DPH6: variants seen among roughly 807,000 people sequenced by gnomAD.
DPH6 encodes diphthine--ammonia ligase.
A neutral mutation model predicts 38.2 loss-of-function variants in DPH6; 33 were observed. The ratio of observed to expected loss-of-function variants is 0.86; its 90% CI spans 0.65 to 1.15. The LOEUF is 1.15. DPH6 is among the 50% of genes most tolerant of loss of function. DPH6 has a pLI of 0.00. For synonymous variants in DPH6, 108 were observed against 103.0 expected, an observed-to-expected ratio of 1.05 and a Z score of -0.30; for missense variants, 325 against 320.0, an observed-to-expected ratio of 1.02 and a Z score of -0.12.
chr15:35,361,921 A>T (rs890774434), intron 3 of DPH6, among the ~76,000 whole-genome samples: 3 of 145,826 alleles, frequency 2.1e-5, no homozygotes, highest in Non-Finnish European at 4.4e-5. Context: ...CAAGTAATTC[A>T]TATTAATAGA....
At chr15:35,374,163 C>A (rs1395631928) in intron 7 of DPH6, among the ~76,000 whole-genome samples, 1 of 151,958 alleles carries the variant, frequency 6.6e-6, no homozygotes, top group African/African-American at 2.4e-5. Flanking sequence ...TGCATGCTGG[C>A]ACCATATGGA....
chr15:35,237,755 T>A lies in DPH6; in HGVS notation n.201-17173A>T, dbSNP rs142510218. On this transcript the variant is annotated intron_variant and non_coding_transcript_variant, in intron 3 of 3. Coordinates refer to the DPH6 transcript ENST00000560386. ...GTTCAAGCTCCTCCTGCAACTCACATATCTTGACGGCTATGACCGGGACGA... is the reference window on the plus strand; with the variant it reads ...GTTCAAGCTCCTCCTGCAACTCACAAATCTTGACGGCTATGACCGGGACGA... 1,373 of 1,611,876 alleles carry A rather than the reference T, an allele frequency of 8.5e-4. 10 individuals carry two copies. The African/African-American group carries it at 0.016, about 18-fold the overall frequency.
the DPH6 span, among the ~76,000 whole-genome samples, chr15:35,198,213 A>G: frequency 1.3e-5 from 2 of 151,908 alleles, no homozygotes; most frequent in Non-Finnish European, 2.9e-5. Context: ...AAGCTATCAA[A>G]TAAAGAATAC....
intron 4 of DPH6, among the ~76,000 whole-genome samples, chr15:35,451,435 T>C (rs931980984): frequency 2.0e-5 from 3 of 152,198 alleles, no homozygotes; most frequent in Non-Finnish European, 4.4e-5. Flanking sequence ...ATCTAAGTCC[T>C]TGTGCTTAGT....
At chr15:35,195,667 A>G in the DPH6 span, among the ~76,000 whole-genome samples, 1 of 152,126 alleles carries the variant, frequency 6.6e-6, no homozygotes, top group African/African-American at 2.4e-5. Context: ...GTATTTAAAA[A>G]CTATCCTCCA....
the DPH6 span, among the ~76,000 whole-genome samples, chr15:35,148,317 T>C: frequency 6.6e-6 from 1 of 152,232 alleles, no homozygotes; most frequent in South Asian, 2.1e-4. Flanking sequence ...TATAGTTTAT[T>C]CTATAAATTC....
At chr15:35,423,070 T>A (rs1472370602) in intron 5 of DPH6, among the ~76,000 whole-genome samples, 1 of 151,902 alleles carries the variant, frequency 6.6e-6, no homozygotes, top group Admixed American at 6.6e-5. Flanking sequence ...CCTTTGGGTA[T>A]ATACTCAGAA....
At chr15:35,487,911 C>A (rs1202112790) in intron 3 of DPH6, among the ~76,000 whole-genome samples, 1 of 152,208 alleles carries the variant, frequency 6.6e-6, no homozygotes, top group Non-Finnish European at 1.5e-5. Context: ...ATTTTAGAAA[C>A]AGCCAGGTCA....
the DPH6 span, among the ~76,000 whole-genome samples, chr15:35,162,565 C>T: frequency 6.6e-6 from 1 of 151,900 alleles, no homozygotes; most frequent in African/African-American, 2.4e-5. Flanking sequence ...AATGCCACTT[C>T]CTCACAAAGG....
downstream of DPH6, among the ~76,000 whole-genome samples, chr15:35,214,697 T>G (rs902450350): frequency 6.6e-6 from 1 of 152,158 alleles, no homozygotes; most frequent in Non-Finnish European, 1.5e-5. Flanking sequence ...AACCTCCGCC[T>G]CACGGGTTCA....
chr15:35,286,341 C>T (rs1209472393), intron 3 of DPH6, among the ~76,000 whole-genome samples: 1 of 152,180 alleles, frequency 6.6e-6, no homozygotes, highest in African/African-American at 2.4e-5. Flanking sequence ...GACTCATTCG[C>T]AGAGTGGCAA....
chr15:35,426,696 T>C (rs759851361), intron 5 of DPH6, among the ~76,000 whole-genome samples: 1 of 151,618 alleles, frequency 6.6e-6, no homozygotes, highest in Non-Finnish European at 1.5e-5. Context: ...CTTCAAAAAG[T>C]ATATGTTAAA....
intron 6 of DPH6, among the ~76,000 whole-genome samples, chr15:35,393,865 G>A (rs1022627961): frequency 2.0e-5 from 3 of 152,200 alleles, no homozygotes; most frequent in Non-Finnish European, 2.9e-5. Context: ...AAAATTCTCA[G>A]CTTTCTGCAT....
downstream of DPH6, among the ~76,000 whole-genome samples, chr15:35,369,960 C>A (rs572958213): frequency 6.6e-6 from 1 of 151,874 alleles, no homozygotes; most frequent in Non-Finnish European, 1.5e-5. Context: ...CACTATCTGA[C>A]TTGAATATTT....
the DPH6 span, among the ~76,000 whole-genome samples, chr15:35,193,774 A>C: frequency 6.6e-6 from 1 of 152,184 alleles, no homozygotes; most frequent in African/African-American, 2.4e-5. Flanking sequence ...AAGAAAGGTT[A>C]AATAATTAGT....
chr15:35,502,599 TTAA>T (rs1367071314), intron 3 of DPH6, among the ~76,000 whole-genome samples: 2 of 151,872 alleles, frequency 1.3e-5, no homozygotes, highest in Admixed American at 6.6e-5. Flanking sequence ...AAGATTATTC[TTAA>T]TAATTAAAAC....
intron 6 of DPH6, chr15:35,401,738 C>T (rs1345955955): frequency 4.2e-6 from 3 of 712,886 alleles, no homozygotes; most frequent in African/African-American, 1.7e-5. Flanking sequence ...CCAGTAGCAG[C>T]GGTAGCTACG....
intron 3 of DPH6, among the ~76,000 whole-genome samples, chr15:35,342,702 TAAG>T (rs1399434663): frequency 2.0e-5 from 3 of 152,288 alleles, no homozygotes; most frequent in South Asian, 2.1e-4. Flanking sequence ...GTTTTCATAA[TAAG>T]AAGATTAGAA....
the DPH6 span, among the ~76,000 whole-genome samples, chr15:35,184,090 C>G: frequency 6.6e-6 from 1 of 152,136 alleles, no homozygotes; most frequent in East Asian, 1.9e-4. Context: ...CATGGAGTTT[C>G]CAACAAATCA....
Sources: gnomAD v4.1 joint callset for allele counts (sites outside exome capture counted in the v4.1 genomes callset) on GRCh38, gnomAD v4.1.1 for gene constraint, MANE v1.5 for transcripts, NCBI Gene and HGNC (gene_info 2026-07-23, HGNC 2026-07-21) for gene names.